The following CMC1 variants were observed in gnomAD, a reference collection of about 807,000 sequenced individuals.
CMC1 encodes C-X9-C motif containing 1, also known as COX assembly mitochondrial protein homolog.
A neutral mutation model predicts 14.1 loss-of-function variants in CMC1; 14 were observed. The ratio of observed to expected loss-of-function variants is 0.99; its 90% confidence interval spans 0.66 to 1.55. The LOEUF (loss-of-function observed/expected upper bound fraction) is 1.55, where lower values mean the gene tolerates loss of function less well. CMC1 is among the 40% of genes most tolerant of loss of function. The probability of loss-of-function intolerance (pLI) is 0.00; values close to 1 mark genes in which losing one functional copy is unlikely to be tolerated. For synonymous variants in CMC1, 50 were observed against 38.4 expected, an observed-to-expected ratio of 1.30 and a Z score of -1.12; for missense variants, 127 against 123.8, an observed-to-expected ratio of 1.03 and a Z score of -0.12.
intron 2 of CMC1, among the ~76,000 whole-genome samples, chr3:28,299,261 G>A (rs1162020596): frequency 6.6e-6 from 1 of 152,034 alleles, no homozygotes; most frequent in African/African-American, 2.4e-5. Context: ...GAAGATGCAT[G>A]CATTTTATTT....
chr3:28,300,645 CTCCATCCCTT>C (rs1162449223), intron 2 of CMC1, among the ~76,000 whole-genome samples: 14 of 42,976 alleles, frequency 3.3e-4, no homozygotes, highest in African/African-American at 8.3e-4. Flanking sequence ...CTTTCCCTCC[CTCCATCCCTT>C]TCCCTCCCTT....
At position 28,323,870 on chromosome 3, in the gene CMC1, G is replaced by C; in HGVS notation, c.*4241G>C. The C allele has an allele frequency of 1.6e-6, 1 of 640,638 alleles. No individual in the cohort carries two copies. Among genetic ancestry groups the C allele is most frequent in the Non-Finnish European group, 2.5e-6 (1 of 395,378 alleles). 39.7% of individuals were successfully genotyped at this position (640,638 alleles called of 1,614,324 possible). ...AGCTAGAGGGTGCTCTTTCATACTA[G>C]AAAACCAACTATGTTGGTTTTTGTA... On this transcript the variant is annotated 3_prime_UTR_variant, in exon 4 of 4. Coordinates refer to ENST00000466830, the MANE Select transcript of CMC1 (RefSeq NM_182523.2).
intron 2 of CMC1, among the ~76,000 whole-genome samples, chr3:28,280,030 G>C (rs952947386): frequency 6.6e-6 from 1 of 152,206 alleles, no homozygotes; most frequent in African/African-American, 2.4e-5. Flanking sequence ...AAAAAAAGAA[G>C]AGATGACTAA....
intron 1 of CMC1, among the ~76,000 whole-genome samples, chr3:28,252,307 A>T (rs570448807): frequency 4.6e-5 from 7 of 152,296 alleles, no homozygotes; most frequent in South Asian, 4.1e-4. Flanking sequence ...GAAGCATACT[A>T]TTGTGGGATA....
rs148456076 is a variant in CMC1 at position 28,303,132 on chromosome 3, A to G, written c.110-13201A>G. Among the ~76,000 whole-genome samples, 34 of 152,310 alleles carry G rather than the reference A, an allele frequency of 2.2e-4. No homozygotes were observed. In the East Asian group the frequency reaches 4.8e-3, roughly 22 times the overall value. ...TTTTGTACAATTCAAGTGAGCTAAC[A>G]CGCATAAAGTACCTAGTATAGTAGT... On this transcript the variant is annotated intron_variant, in intron 2 of 3. Transcript: ENST00000466830.
intron 2 of CMC1, among the ~76,000 whole-genome samples, chr3:28,315,419 T>A (rs1363663900): frequency 6.6e-6 from 1 of 152,122 alleles, no homozygotes; most frequent in South Asian, 2.1e-4. Flanking sequence ...ACCTAGAACT[T>A]ACTTGGGAAT....
intron 2 of CMC1, among the ~76,000 whole-genome samples, chr3:28,289,597 A>C (rs1701366481): frequency 6.6e-6 from 1 of 152,080 alleles, no homozygotes; most frequent in Non-Finnish European, 1.5e-5. Flanking sequence ...TTAGGGAGAA[A>C]GTCTGTGATC....
At chr3:28,294,494 C>CT in intron 2 of CMC1, 1 of 968,888 alleles carries the variant, frequency 1.0e-6, no homozygotes, top group South Asian at 4.8e-5. Context: ...ATTTTCCAAA[C>CT]TAAGTGGACG....
intron 2 of CMC1, among the ~76,000 whole-genome samples, chr3:28,302,526 G>A (rs1702107291): frequency 6.6e-6 from 1 of 152,168 alleles, no homozygotes; most frequent in Non-Finnish European, 1.5e-5. Context: ...ACCAGGCTGT[G>A]TGAATGTCTC....
intron 2 of CMC1, among the ~76,000 whole-genome samples, chr3:28,312,298 C>A (rs1702675959): frequency 1.3e-5 from 2 of 152,096 alleles, no homozygotes; most frequent in Admixed American, 1.3e-4. Flanking sequence ...TGAAAAAATT[C>A]ATTTTAAAAA....
At chr3:28,307,819 G>C (rs1451479743) in intron 2 of CMC1, among the ~76,000 whole-genome samples, 1 of 152,164 alleles carries the variant, frequency 6.6e-6, no homozygotes, top group Non-Finnish European at 1.5e-5. Flanking sequence ...TAGTTCCGTA[G>C]TTCTCAAGTG....
chr3:28,271,958 C>T (rs1379269912), intron 2 of CMC1, among the ~76,000 whole-genome samples: 1 of 152,034 alleles, frequency 6.6e-6, no homozygotes, highest in Non-Finnish European at 1.5e-5. Context: ...AAACTGTATT[C>T]CTAGGTATTT....
Position 28,325,137 on chromosome 3 carries a change from A to AC in CMC1, c.*5508_*5509insC, listed in dbSNP as rs1703339778. ...AATGTAGGTAAAGTAAAAAAAAAAA[A>AC]AAAAACAGCCAAAAAAAAAAAGTTT... On this transcript the variant is annotated 3_prime_UTR_variant, in exon 4 of 4. Transcript: ENST00000466830. The AC allele has an allele frequency of 6.7e-6, 1 of 150,236 alleles. No individual in the cohort carries two copies. The highest frequency in any genetic ancestry group is 6.7e-5 in the Admixed American group (1 of 14,998). The allele number at this position is 150,236 out of a possible 1,614,324, so 9.3% of individuals were successfully genotyped here.
intron 2 of CMC1, among the ~76,000 whole-genome samples, chr3:28,281,926 C>T (rs1393917769): frequency 6.6e-6 from 1 of 152,012 alleles, no homozygotes; most frequent in Non-Finnish European, 1.5e-5. Context: ...CCTTAGGAAA[C>T]CAGTGGTGCA....
intron 2 of CMC1, among the ~76,000 whole-genome samples, chr3:28,315,737 C>T (rs753061829): frequency 3.9e-5 from 6 of 152,070 alleles, no homozygotes; most frequent in South Asian, 2.1e-4. Context: ...TGTACCTTTT[C>T]TATGTTTAGA....
intron 2 of CMC1, among the ~76,000 whole-genome samples, chr3:28,309,694 G>C (rs924171887): frequency 1.3e-5 from 2 of 151,994 alleles, no homozygotes; most frequent in Non-Finnish European, 2.9e-5. Context: ...AAGAAAACAT[G>C]ATCTTGTCAT....
intron 1 of CMC1, among the ~76,000 whole-genome samples, chr3:28,244,593 G>T (rs1698709375): frequency 6.6e-6 from 1 of 152,154 alleles, no homozygotes; most frequent in African/African-American, 2.4e-5. Context: ...GCCAGGCATG[G>T]TGGCACACGC....
intron 3 of CMC1, chr3:28,318,065 A>G (rs1356263966): frequency 6.6e-6 from 1 of 151,896 alleles, no homozygotes; most frequent in African/African-American, 2.4e-5. Context: ...CTTGACTTTG[A>G]GTCCCCAGAT....
chr3:28,272,278 G>C (rs1700334105), intron 2 of CMC1, among the ~76,000 whole-genome samples: 1 of 152,122 alleles, frequency 6.6e-6, no homozygotes, highest in South Asian at 2.1e-4. Flanking sequence ...TGGTGAGAGA[G>C]GGCATCTTTG....
Sources: allele counts gnomAD v4.1 joint callset (sites outside exome capture counted in the v4.1 genomes callset), GRCh38; gene constraint gnomAD v4.1.1; transcripts MANE v1.5; gene names NCBI Gene and HGNC (gene_info 2026-07-23, HGNC 2026-07-21).